The following GRIK3 variants were observed in gnomAD, a reference collection of about 807,000 sequenced individuals.
GRIK3 encodes glutamate ionotropic receptor kainate type subunit 3.
In GRIK3, 29 loss-of-function variants were observed where a neutral mutation model predicts 102.5. The ratio of observed to expected loss-of-function variants is 0.28; its 90% confidence interval spans 0.21 to 0.39. GRIK3 has a LOEUF of 0.39. GRIK3 is among the 10% of genes least tolerant of loss of function. GRIK3 has a pLI of 1.00. For synonymous variants in GRIK3, 511 were observed against 504.9 expected, an observed-to-expected ratio of 1.01 and a Z score of -0.16; for missense variants, 908 against 1,252.4, an observed-to-expected ratio of 0.73 and a Z score of 4.15.
rs114605722 is a variant in GRIK3 at position 36,841,895 on chromosome 1, G to A, written c.1371C>T (p.Tyr457=). 1.6e-4 allele frequency: 253 copies of A among 1,614,146 alleles called. 4 individuals are homozygous for A. The African/African-American group carries it at 2.7e-3, about 17-fold the overall frequency. ...VMFRKSDRTL[Y]GNDRFEGYCI... ...AGTAGCCCTCGAACCGGTCATTCCC[G>A]TATAGCGTCCTGTCTGATTTCCGAA... Residue 457 remains tyrosine (Y), a synonymous_variant, in exon 10 of 16, where the codon TAC becomes TAT. Transcript: ENST00000373091.
intron 13 of GRIK3, among the ~76,000 whole-genome samples, chr1:36,808,939 A>G (rs150112456): frequency 1.6e-3 from 237 of 152,258 alleles, no homozygotes; most frequent in Middle Eastern, 6.8e-3. Context: ...TTTGCCAGAT[A>G]CACGTGTTCC....
chr1:36,910,791 T>C (rs1232081602), intron 1 of GRIK3, among the ~76,000 whole-genome samples: 2 of 152,230 alleles, frequency 1.3e-5, no homozygotes, highest in East Asian at 3.8e-4. Context: ...GGTAATTGGC[T>C]ACAATCTGGA....
At chr1:37,004,569 C>G (rs1448660587) in intron 1 of GRIK3, among the ~76,000 whole-genome samples, 1 of 152,162 alleles carries the variant, frequency 6.6e-6, no homozygotes, top group Non-Finnish European at 1.5e-5. Flanking sequence ...AATCAACAGG[C>G]TTTAAGTCTT....
intron 15 of GRIK3, 130 bp downstream of exon 15, chr1:36,804,857 C>A (rs1642480317): frequency 8.2e-7 from 1 of 1,216,198 alleles, no homozygotes; most frequent in Non-Finnish European, 1.2e-6. Context: ...GGCTTGCTGG[C>A]CGACTGGATG....
intron 1 of GRIK3, among the ~76,000 whole-genome samples, chr1:36,919,688 A>G (rs3753765): frequency 0.047 from 7,151 of 152,272 alleles, 407 homozygotes; most frequent in African/African-American, 0.14. Flanking sequence ...TCCCATCTCC[A>G]GCACTGCTGT....
intron 1 of GRIK3, among the ~76,000 whole-genome samples, chr1:36,999,274 C>A (rs1241693477): frequency 6.6e-6 from 1 of 152,100 alleles, no homozygotes; most frequent in African/African-American, 2.4e-5. Flanking sequence ...TGCCCAGGTG[C>A]ACCGAGGTGG....
At chr1:37,014,786 T>C (rs1642635328) in intron 1 of GRIK3, among the ~76,000 whole-genome samples, 1 of 152,226 alleles carries the variant, frequency 6.6e-6, no homozygotes, top group African/African-American at 2.4e-5. Flanking sequence ...CCACTGGGCA[T>C]TTGAGGACTT....
At position 36,852,460 on chromosome 1, in the gene GRIK3, C is replaced by T. The variant is rs565367232; in HGVS notation, c.1212+1155G>A. Among the ~76,000 whole-genome samples the T allele has an allele frequency of 2.8e-4, 42 of 152,246 alleles. 1 individual carries two copies. The highest frequency in any genetic ancestry group is 4.6e-4 in the Non-Finnish European group (31 of 68,012). On this transcript the variant is annotated intron_variant, in intron 8 of 15. Transcript: ENST00000373091. Reference sequence around the variant, plus strand: ...GGTATGTTTCAGGGAAATGTGGAAACGAGGCCCAGAAGGGCCAGTTGGTGC... The same window carrying T: ...GGTATGTTTCAGGGAAATGTGGAAATGAGGCCCAGAAGGGCCAGTTGGTGC...
intron 1 of GRIK3, among the ~76,000 whole-genome samples, chr1:36,927,209 GCAGA>G (rs1269360890): frequency 1.3e-5 from 2 of 152,210 alleles, no homozygotes; most frequent in South Asian, 2.1e-4. Flanking sequence ...CCCAGGGTGT[GCAGA>G]CAGTAAGATT....
intron 1 of GRIK3, among the ~76,000 whole-genome samples, chr1:36,899,102 G>C (rs1641204740): frequency 1.3e-5 from 2 of 152,118 alleles, no homozygotes; most frequent in East Asian, 3.9e-4. Flanking sequence ...TAGAACAAAG[G>C]CTTCATGAGA....
At chr1:36,891,645 C>T (rs1641118083) in intron 1 of GRIK3, among the ~76,000 whole-genome samples, 1 of 152,094 alleles carries the variant, frequency 6.6e-6, no homozygotes, top group African/African-American at 2.4e-5. Context: ...CCTTTAATAT[C>T]ATACTAATGG....
chr1:37,029,091 G>A (rs974580994), intron 1 of GRIK3, among the ~76,000 whole-genome samples: 1 of 151,160 alleles, frequency 6.6e-6, no homozygotes, highest in Non-Finnish European at 1.5e-5. Context: ...TCTCAGCACA[G>A]GCACACTGCC....
At chr1:36,937,853 C>A (rs1641676769) in intron 1 of GRIK3, among the ~76,000 whole-genome samples, 2 of 152,242 alleles carry the variant, frequency 1.3e-5, no homozygotes, top group South Asian at 4.1e-4. Flanking sequence ...ATGTAGTCAA[C>A]CTGGAGGGCT....
intron 1 of GRIK3, among the ~76,000 whole-genome samples, chr1:36,991,291 C>T (rs1004545787): frequency 2.0e-5 from 3 of 152,206 alleles, no homozygotes; most frequent in African/African-American, 7.2e-5. Flanking sequence ...CTTCCCTTTT[C>T]TGGACTCCCC....
At chr1:36,889,035 C>G (rs1205201674) in intron 2 of GRIK3, among the ~76,000 whole-genome samples, 1 of 152,006 alleles carries the variant, frequency 6.6e-6, no homozygotes, top group South Asian at 2.1e-4. Flanking sequence ...CGTGCCAGGC[C>G]CATGCCAGGT....
At chr1:36,927,033 G>C (rs561884029) in intron 1 of GRIK3, among the ~76,000 whole-genome samples, 11 of 152,212 alleles carry the variant, frequency 7.2e-5, no homozygotes, top group African/African-American at 2.7e-4. Flanking sequence ...GAATTGCTAA[G>C]CAAGGAAAAC....
intron 1 of GRIK3, among the ~76,000 whole-genome samples, chr1:36,896,100 G>C (rs565892783): frequency 6.6e-6 from 1 of 152,248 alleles, no homozygotes; most frequent in South Asian, 2.1e-4. Context: ...TTTGTTGCCA[G>C]TAGATCTGCC....
rs548448399 is a variant in GRIK3, at chr1:36,796,681, C to T, written c.*5170G>A. The T allele has an allele frequency of 6.6e-6, 1 of 152,174 alleles. No homozygotes were observed. The highest frequency in any genetic ancestry group is 2.4e-5 in the African/African-American group (1 of 41,422). 9.4% of individuals were successfully genotyped at this position (152,174 alleles called of 1,614,324 possible). Reference sequence around the variant, plus strand: ...GGCATTCTCTTTAACAAGTGCTTTCCCTAGTTGTGAGCTGTGTTGTGTGCA... The same window carrying T: ...GGCATTCTCTTTAACAAGTGCTTTCTCTAGTTGTGAGCTGTGTTGTGTGCA... On this transcript the variant is annotated 3_prime_UTR_variant, in exon 16 of 16. Coordinates refer to ENST00000373091, the MANE Select transcript of GRIK3 (RefSeq NM_000831.4).
chr1:36,910,068 G>A (rs994359043), intron 1 of GRIK3, among the ~76,000 whole-genome samples: 7 of 152,102 alleles, frequency 4.6e-5, no homozygotes, highest in Admixed American at 6.5e-5. Context: ...TCTGGAACCC[G>A]TTGAGGTTTT....
Sources: allele counts gnomAD v4.1 joint callset (sites outside exome capture counted in the v4.1 genomes callset), GRCh38; gene constraint gnomAD v4.1.1; transcripts MANE v1.5; gene names NCBI Gene and HGNC (gene_info 2026-07-23, HGNC 2026-07-21).